Variants in PMS1 observed in about 807,000 individuals in gnomAD.
PMS1 encodes the protein PMS1 protein homolog 1.
A neutral mutation model predicts 93.1 loss-of-function variants in PMS1; 79 were observed. That is an observed-to-expected ratio of 0.85 (90% CI 0.71 to 1.02). The LOEUF (loss-of-function observed/expected upper bound fraction) is 1.02, where lower values mean the gene tolerates loss of function less well. Ranked by LOEUF, PMS1 falls within the 50% of genes least tolerant of loss-of-function variation. The pLI, the probability that PMS1 is intolerant of heterozygous loss-of-function variation, is 0.00. For synonymous variants in PMS1, 335 were observed against 363.4 expected, an observed-to-expected ratio of 0.92 and a Z score of 0.89; for missense variants, 1,064 against 1,085.3, an observed-to-expected ratio of 0.98 and a Z score of 0.28.
intron 6 of PMS1, among the ~76,000 whole-genome samples, chr2:189,852,264 T>C (rs1248618019): frequency 6.6e-6 from 1 of 152,034 alleles, no homozygotes; most frequent in East Asian, 1.9e-4. Context: ...TAGGAAAAGA[T>C]GGTTAAAGAC....
In PMS1 at chr2:189,864,171, T is replaced by G; in HGVS notation, c.2285T>G (p.Leu762Arg). 1 of 1,610,820 alleles carries G rather than the reference T, an allele frequency of 6.2e-7. No individual in the cohort carries two copies. Among genetic ancestry groups the G allele is most frequent in the Non-Finnish European group, 8.5e-7 (1 of 1,177,444 alleles). The change falls in exon 10 of 13, where the codon CTT becomes CGT. Residue 762 changes from leucine to arginine, a missense_variant. Physicochemically the swap from Leu to Arg is moderately radical, Grantham distance 102 (BLOSUM62 -2). Transcript: ENST00000441310. ...GAAGCCCTGCTATTTAAAAGACTTCTTGAGAATCATAAACTTCCTGCAGAG... is the reference window on the plus strand; with the variant it reads ...GAAGCCCTGCTATTTAAAAGACTTCGTGAGAATCATAAACTTCCTGCAGAG... ...VEEALLFKRL[L>R]ENHKLPAEPL...
At chr2:189,824,591 A>G (rs1037988648) in intron 5 of PMS1, among the ~76,000 whole-genome samples, 3 of 152,044 alleles carry the variant, frequency 2.0e-5, no homozygotes, top group African/African-American at 7.2e-5. Context: ...TATTTAGCAA[A>G]CACAAGTTCC....
At chr2:189,818,264 T>C in intron 5 of PMS1, 84 bp downstream of exon 5, 1 of 896,952 alleles carries the variant, frequency 1.1e-6, no homozygotes, top group East Asian at 2.7e-5. Context: ...AGATATGGGC[T>C]ATGACTAAAT....
At chr2:189,807,753 T>C (rs368604221) in intron 4 of PMS1, among the ~76,000 whole-genome samples, 2 of 152,370 alleles carry the variant, frequency 1.3e-5, no homozygotes, top group East Asian at 3.9e-4. Flanking sequence ...AGACCAGGTA[T>C]GCATATTAAG....
chr2:189,806,564 A>G (rs1435101780), intron 4 of PMS1: 1 of 197,178 alleles, frequency 5.1e-6, no homozygotes, highest in African/African-American at 2.3e-5. Context: ...CACCCGGCTA[A>G]TTTTTGTATT....
In PMS1 at chr2:189,855,133, G is replaced by T. The variant is rs750408063; in HGVS notation, c.1856+5G>T. 2.5e-6 allele frequency: 4 copies of T among 1,610,826 alleles called. No individual in the cohort carries two copies. The highest frequency in any genetic ancestry group is 2.2e-5 in the South Asian group (2 of 90,966). ...GAGTGAAGAGGAAAAACTGAAGTAA[G>T]TTTCCAGAGCTTGCATGTGACTTGA... On this transcript the variant is annotated splice_donor_5th_base_variant and intron_variant, in intron 9 of 12. Transcript: ENST00000441310.
intron 4 of PMS1, among the ~76,000 whole-genome samples, chr2:189,811,555 A>G (rs1233757832): frequency 6.6e-6 from 1 of 152,194 alleles, no homozygotes; most frequent in Non-Finnish European, 1.5e-5. Context: ...AGATTGTGCC[A>G]TACACTCTAG....
chr2:189,841,286 A>G (rs1341707568), intron 5 of PMS1, among the ~76,000 whole-genome samples: 2 of 152,252 alleles, frequency 1.3e-5, no homozygotes, highest in Non-Finnish European at 2.9e-5. Context: ...CCTAACAAAG[A>G]ATAAGGTTTT....
At chr2:189,806,516 G>C (rs558964955) in intron 4 of PMS1, 2 of 228,326 alleles carry the variant, frequency 8.8e-6, no homozygotes, top group Admixed American at 5.5e-5. Context: ...TCCCACCTCA[G>C]CCTCCTCAGT....
At chr2:189,842,390 T>C (rs1229067970) in intron 5 of PMS1, among the ~76,000 whole-genome samples, 2 of 152,148 alleles carry the variant, frequency 1.3e-5, no homozygotes, top group African/African-American at 2.4e-5. Context: ...GACTTAGGAA[T>C]TGCTAAGTGA....
At chr2:189,839,334 C>A (rs1250250194) in intron 5 of PMS1, among the ~76,000 whole-genome samples, 1 of 152,196 alleles carries the variant, frequency 6.6e-6, no homozygotes, top group Non-Finnish European at 1.5e-5. Flanking sequence ...AGTTTCAGTT[C>A]TCACTAAGTC....
At chr2:189,855,775 AT>A (rs1383484531) in intron 9 of PMS1, 2 of 404,742 alleles carry the variant, frequency 4.9e-6, no homozygotes, top group African/African-American at 2.2e-5. Flanking sequence ...TTTAAATTAG[AT>A]TTTCTGAATA....
At chr2:189,840,618 A>G (rs1432087526) in intron 5 of PMS1, among the ~76,000 whole-genome samples, 2 of 152,182 alleles carry the variant, frequency 1.3e-5, no homozygotes, top group South Asian at 2.1e-4. Context: ...TAGCTCTGCT[A>G]TTTTGCTGTG....
chr2:189,836,184 A>G (rs1318987992), intron 5 of PMS1, among the ~76,000 whole-genome samples: 1 of 152,264 alleles, frequency 6.6e-6, no homozygotes, highest in Non-Finnish European at 1.5e-5. Context: ...CTAATTAAAT[A>G]TCGAGTATTC....
intron 4 of PMS1, among the ~76,000 whole-genome samples, chr2:189,813,609 T>G (rs2051028387): frequency 6.6e-6 from 1 of 152,244 alleles, no homozygotes; most frequent in South Asian, 2.1e-4. Context: ...AACTTCATAT[T>G]TTATTGCAAC....
At chr2:189,802,792 G>T (rs976590811) in intron 3 of PMS1, among the ~76,000 whole-genome samples, 1 of 152,160 alleles carries the variant, frequency 6.6e-6, no homozygotes, top group Admixed American at 6.5e-5. Flanking sequence ...CACAGTGTAG[G>T]GTTGTCTCGT....
At chr2:189,834,824 G>A (rs979145718) in intron 5 of PMS1, among the ~76,000 whole-genome samples, 16 of 151,912 alleles carry the variant, frequency 1.1e-4, no homozygotes, top group South Asian at 2.1e-4. Context: ...CAAACTCGTG[G>A]GCTCAAGTGA....
chr2:189,802,966 C>T (rs750821978), intron 3 of PMS1, among the ~76,000 whole-genome samples: 11 of 152,148 alleles, frequency 7.2e-5, no homozygotes, highest in Non-Finnish European at 1.6e-4. Flanking sequence ...CTAGGCTCCC[C>T]ATAGTGGGTA....
intron 5 of PMS1, among the ~76,000 whole-genome samples, chr2:189,825,727 G>A (rs5743054): frequency 0.01 from 1,547 of 152,278 alleles, 21 homozygotes; most frequent in African/African-American, 0.035. Flanking sequence ...GATAAAAGAA[G>A]GTTTTAACTG....
Sources: allele counts gnomAD v4.1 joint callset (sites outside exome capture counted in the v4.1 genomes callset), GRCh38; gene constraint gnomAD v4.1.1; transcripts MANE v1.5; gene names NCBI Gene and HGNC (gene_info 2026-07-23, HGNC 2026-07-21).